The following SPMIP3 variants were observed in gnomAD, a reference collection of about 807,000 sequenced individuals.
SPMIP3 encodes the protein protein SPMIP3.
the SPMIP3 span, among the ~76,000 whole-genome samples, chr1:244,362,010 TTCTCTC>T: frequency 2.0e-5 from 3 of 151,824 alleles, no homozygotes; most frequent in Non-Finnish European, 2.9e-5. Context: ...TTCTTTCTCT[TTCTCTC>T]TCTCTCTCTT....
At chr1:244,373,116 C>T in the SPMIP3 span, among the ~76,000 whole-genome samples, 1 of 151,638 alleles carries the variant, frequency 6.6e-6, no homozygotes, top group African/African-American at 2.4e-5. Flanking sequence ...TGCAGCGGCT[C>T]GCACCTGCAA....
chr1:244,373,169 C>G, the SPMIP3 span, among the ~76,000 whole-genome samples: 5 of 151,364 alleles, frequency 3.3e-5, no homozygotes. Context: ...TCACTTGAGC[C>G]CAGGAGTTCC....
the SPMIP3 span, among the ~76,000 whole-genome samples, chr1:244,361,369 C>A: frequency 8.6e-5 from 13 of 151,840 alleles, no homozygotes; most frequent in South Asian, 2.1e-3. Flanking sequence ...GCTGGGATTA[C>A]AGGCATGCGC....
chr1:244,368,778 G>A, the SPMIP3 span, among the ~76,000 whole-genome samples: 8,520 of 152,260 alleles, frequency 0.056, 689 homozygotes, highest in East Asian at 0.29. Context: ...TCAGAGCTAC[G>A]CTACAGAAAA....
At chr1:244,364,889 A>G in the SPMIP3 span, 1 of 948,248 alleles carries the variant, frequency 1.1e-6, no homozygotes, top group Non-Finnish European at 1.6e-6. Context: ...AGCTCTTTGG[A>G]TATTTCCTGA....
At chr1:244,381,264 C>T in the SPMIP3 span, among the ~76,000 whole-genome samples, 364 of 152,182 alleles carry the variant, frequency 2.4e-3, 1 homozygote, top group African/African-American at 7.7e-3. Flanking sequence ...TGGCTGAGCA[C>T]GCTGTCCTTT....
the SPMIP3 span, chr1:244,378,332 C>T: frequency 1.2e-5 from 10 of 831,702 alleles, no homozygotes; most frequent in Middle Eastern, 2.7e-4. Context: ...CAGGGCTGGT[C>T]GCAGAGCTGT....
At chr1:244,374,225 A>C in the SPMIP3 span, among the ~76,000 whole-genome samples, 1 of 152,074 alleles carries the variant, frequency 6.6e-6, no homozygotes, top group Non-Finnish European at 1.5e-5. Flanking sequence ...TTCCACTTGT[A>C]CCACCCACCC....
chr1:244,360,560 G>GCACACACACA, the SPMIP3 span, among the ~76,000 whole-genome samples: 2 of 10,438 alleles, frequency 1.9e-4, no homozygotes, highest in East Asian at 3.5e-3. Context: ...ACACACACAT[G>GCACACACACA]CATGCATGGA....
the SPMIP3 span, among the ~76,000 whole-genome samples, chr1:244,366,730 A>T: frequency 6.6e-6 from 1 of 152,118 alleles, no homozygotes; most frequent in Non-Finnish European, 1.5e-5. Context: ...AAATACAAAA[A>T]TTAGCCAGGC....
chr1:244,378,416 G>T, the SPMIP3 span: 1 of 1,530,362 alleles, frequency 6.5e-7, no homozygotes, highest in South Asian at 1.2e-5. Context: ...CGAGAAAATG[G>T]ACTGCTTTTT....
chr1:244,361,235 C>CTTTTTTTTTTTTTTTTTTTTT, the SPMIP3 span, among the ~76,000 whole-genome samples: 2 of 119,314 alleles, frequency 1.7e-5, 1 homozygote, highest in Non-Finnish European at 3.4e-5. Flanking sequence ...TTCTTTCTTT[C>CTTTTTTTTTTTTTTTTTTTTT]TTTTTTTTTT....
At chr1:244,384,553 C>T in the SPMIP3 span, among the ~76,000 whole-genome samples, 2 of 152,148 alleles carry the variant, frequency 1.3e-5, no homozygotes, top group Non-Finnish European at 2.9e-5. Flanking sequence ...TTTAAAAAAT[C>T]TGGACGCCCA....
chr1:244,378,509 C>T, the SPMIP3 span: 4 of 1,613,860 alleles, frequency 2.5e-6, no homozygotes, highest in Admixed American at 6.7e-5. Context: ...CAAAATATCA[C>T]TATCAGCCTC....
chr1:244,367,536 G>C, the SPMIP3 span, among the ~76,000 whole-genome samples: 3 of 152,140 alleles, frequency 2.0e-5, no homozygotes, highest in Non-Finnish European at 4.4e-5. Flanking sequence ...TATGGGCGGA[G>C]GGTGGGGGCA....
the SPMIP3 span, chr1:244,389,120 G>A: frequency 7.3e-7 from 1 of 1,377,318 alleles, no homozygotes; most frequent in Non-Finnish European, 1.0e-6. Context: ...GGCCCTTTTA[G>A]ACTAAGTTAA....
chr1:244,360,520 A>ACATT, the SPMIP3 span, among the ~76,000 whole-genome samples: 1 of 60,048 alleles, frequency 1.7e-5, no homozygotes, highest in Non-Finnish European at 3.9e-5. Flanking sequence ...ACACACACAC[A>ACATT]CACACACACA....
the SPMIP3 span, among the ~76,000 whole-genome samples, chr1:244,358,172 G>A: frequency 6.6e-6 from 1 of 152,210 alleles, no homozygotes; most frequent in East Asian, 1.9e-4. Flanking sequence ...GGAGGTTGCA[G>A]TGAGCCAAGA....
chr1:244,374,373 G>A, the SPMIP3 span, among the ~76,000 whole-genome samples: 3 of 151,964 alleles, frequency 2.0e-5, no homozygotes, highest in East Asian at 3.9e-4. Context: ...GCTTGCAAGC[G>A]CCTTGTGCTT....
Sources: gnomAD v4.1 joint callset for allele counts (sites outside exome capture counted in the v4.1 genomes callset) on GRCh38, gnomAD v4.1.1 for gene constraint, MANE v1.5 for transcripts, NCBI Gene and HGNC (gene_info 2026-07-23, HGNC 2026-07-21) for gene names.